Variants in PDCD1LG2 observed in about 807,000 individuals in gnomAD.
PDCD1LG2 encodes programmed cell death 1 ligand 2, also known as B7 dendritic cell molecule.
In PDCD1LG2, 32 loss-of-function variants were observed where a neutral mutation model predicts 28.2. That is an observed-to-expected ratio of 1.13 (90% CI 0.86 to 1.52). The LOEUF is 1.52. Ranked by LOEUF, PDCD1LG2 falls within the 40% of genes most tolerant of loss-of-function variation. The pLI is 0.00. For missense variants in PDCD1LG2, 385 were observed against 323.8 expected, an observed-to-expected ratio of 1.19 and a Z score of -1.45; for synonymous variants, 116 against 120.2, an observed-to-expected ratio of 0.97 and a Z score of 0.23.
chr9:5,519,944 C>T (rs58990901), intron 1 of PDCD1LG2, among the ~76,000 whole-genome samples: 11,650 of 152,118 alleles, frequency 0.077, 496 homozygotes, highest in East Asian at 0.14. Flanking sequence ...AAGGCCTAAA[C>T]AAAGGAAAGA....
At chr9:5,556,362 G>C (rs1316687307) in intron 4 of PDCD1LG2, among the ~76,000 whole-genome samples, 3 of 151,870 alleles carry the variant, frequency 2.0e-5, no homozygotes, top group Non-Finnish European at 4.4e-5. Context: ...ATGTTTGGAT[G>C]AGCAAGGCTC....
rs547682295 is a variant in PDCD1LG2 at position 5,570,164 on chromosome 9, T to C, written c.*205T>C. On this transcript the variant is annotated 3_prime_UTR_variant, in exon 7 of 7. Coordinates refer to ENST00000397747, the MANE Select transcript of PDCD1LG2 (RefSeq NM_025239.4). ...GCCCCTTCACTGATCTGGACTCACC[T>C]CTGGAGCCTATGGCTTTAAGCAAGC... 1.2e-3 allele frequency: 738 copies of C among 630,694 alleles called. 4 individuals carry two copies. Among genetic ancestry groups the C allele is most frequent in the Non-Finnish European group, 1.5e-3 (534 of 351,778 alleles). 39.1% of individuals were successfully genotyped at this position (630,694 alleles called of 1,614,324 possible).
At chr9:5,547,519 CTTATTT>C (rs1816235893) in intron 3 of PDCD1LG2, among the ~76,000 whole-genome samples, 1 of 152,008 alleles carries the variant, frequency 6.6e-6, no homozygotes. Context: ...GCCTATTTTA[CTTATTT>C]TTAAAGTTTT....
intron 4 of PDCD1LG2, among the ~76,000 whole-genome samples, chr9:5,556,935 C>G (rs568028991): frequency 6.6e-6 from 1 of 152,324 alleles, no homozygotes; most frequent in East Asian, 1.9e-4. Context: ...CTCTACTAAA[C>G]TCACCCTTTC....
intron 3 of PDCD1LG2, among the ~76,000 whole-genome samples, chr9:5,545,355 CAAAGAGGCACAATTT>C (rs1320437004): frequency 6.6e-6 from 1 of 152,210 alleles, no homozygotes; most frequent in Non-Finnish European, 1.5e-5. Flanking sequence ...GTAGAAGCTA[CAAAGAGGCACAATTT>C]TGCTTGGCAT....
intron 4 of PDCD1LG2, among the ~76,000 whole-genome samples, chr9:5,553,660 C>G (rs1390124997): frequency 6.6e-6 from 1 of 152,174 alleles, no homozygotes; most frequent in East Asian, 1.9e-4. Flanking sequence ...AATGGCCACT[C>G]CACTCTCTTC....
At chr9:5,512,436 C>G (rs939463551) in intron 1 of PDCD1LG2, among the ~76,000 whole-genome samples, 9 of 152,182 alleles carry the variant, frequency 5.9e-5, no homozygotes, top group African/African-American at 2.2e-4. Flanking sequence ...TGAACTGCCC[C>G]TGCTTTGAGG....
intron 2 of PDCD1LG2, among the ~76,000 whole-genome samples, chr9:5,531,758 T>C (rs568832853): frequency 2.0e-5 from 3 of 152,356 alleles, no homozygotes; most frequent in Admixed American, 6.5e-5. Flanking sequence ...TATTTAATTC[T>C]TGTTGTTATG....
chr9:5,553,627 G>C (rs1399831380), intron 4 of PDCD1LG2, among the ~76,000 whole-genome samples: 2 of 152,180 alleles, frequency 1.3e-5, no homozygotes, highest in East Asian at 3.8e-4. Context: ...CCTTTACGCT[G>C]TGAGAAGTTA....
At chr9:5,551,203 T>C (rs1816324975) in intron 4 of PDCD1LG2, among the ~76,000 whole-genome samples, 1 of 152,208 alleles carries the variant, frequency 6.6e-6, no homozygotes, top group African/African-American at 2.4e-5. Flanking sequence ...ATTTTATTTA[T>C]CCTACTGAGA....
rs900125906 is a variant in PDCD1LG2 at position 5,569,112 on chromosome 9, T to A, written c.817-842T>A. 1.3e-5 allele frequency among the ~76,000 whole-genome samples: 2 copies of A among 152,222 alleles called. No individual in the cohort carries two copies. The highest frequency in any genetic ancestry group is 4.8e-5 in the African/African-American group (2 of 41,450). ...GGGGGAAAGACTGTTAGGGCATGTA[T>A]TGTAAACCACTAATTCCAGGCAAAA... is the stretch of plus-strand genomic sequence containing the variant. On this transcript the variant is annotated intron_variant, in intron 6 of 6. Transcript: ENST00000397747. This position sits in a 1 kb window ranked among gnomAD's most constrained non-coding sequence, Gnocchi z 4.1.
At chr9:5,552,505 G>C (rs1379751421) in intron 4 of PDCD1LG2, among the ~76,000 whole-genome samples, 1 of 152,122 alleles carries the variant, frequency 6.6e-6, no homozygotes, top group African/African-American at 2.4e-5. Flanking sequence ...GGATAGCCCT[G>C]GTACAGACGT....
At chr9:5,559,544 T>G (rs1816517257) in intron 5 of PDCD1LG2, among the ~76,000 whole-genome samples, 1 of 152,200 alleles carries the variant, frequency 6.6e-6, no homozygotes, top group South Asian at 2.1e-4. Flanking sequence ...GCCTATCTTC[T>G]TTGAGATGGT....
At position 5,540,697 on chromosome 9, in the gene PDCD1LG2, G is replaced by C. The variant is rs116093535; in HGVS notation, c.361+5647G>C. 4.9e-3 allele frequency among the ~76,000 whole-genome samples: 751 copies of C among 152,140 alleles called. 8 individuals carry two copies. Among genetic ancestry groups the C allele is most frequent in the African/African-American group, 0.016 (685 of 41,520 alleles). On this transcript the variant is annotated intron_variant, in intron 3 of 6. Transcript: ENST00000397747. ...GGAACTATAAACAGATCAATAACAA[G>C]CAGCAAGATTGAATGGTAACTTTTA...
rs192888773 is a variant in PDCD1LG2 at position 5,538,318 on chromosome 9, T to C, written c.361+3268T>C. 4.0e-4 allele frequency among the ~76,000 whole-genome samples: 61 copies of C among 152,276 alleles called. 2 individuals are homozygous for C. Among genetic ancestry groups the C allele is most frequent in the Admixed American group, 3.4e-3 (52 of 15,300 alleles). On this transcript the variant is annotated intron_variant, in intron 3 of 6. Coordinates refer to ENST00000397747, the MANE Select transcript of PDCD1LG2 (RefSeq NM_025239.4). ...TGTTTGTAAGAGCTTATTTAAAATATGTAATATTGTTTTAGATGCATATAT... is the reference window on the plus strand; with the variant it reads ...TGTTTGTAAGAGCTTATTTAAAATACGTAATATTGTTTTAGATGCATATAT...
At chr9:5,553,360 C>T (rs1433954805) in intron 4 of PDCD1LG2, among the ~76,000 whole-genome samples, 1 of 152,156 alleles carries the variant, frequency 6.6e-6, no homozygotes, top group Non-Finnish European at 1.5e-5. Context: ...TGAGCAATCC[C>T]ACGAGAACTT....
At chr9:5,552,756 T>C (rs764069769) in intron 4 of PDCD1LG2, among the ~76,000 whole-genome samples, 2 of 152,200 alleles carry the variant, frequency 1.3e-5, no homozygotes, top group African/African-American at 2.4e-5. Context: ...TATTTTCTTC[T>C]GGAAAAAATT....
chr9:5,533,036 T>C (rs997842768), intron 2 of PDCD1LG2, among the ~76,000 whole-genome samples: 2 of 152,242 alleles, frequency 1.3e-5, no homozygotes, highest in South Asian at 2.1e-4. Flanking sequence ...CTATATCCTA[T>C]GCTCTTCCGT....
At chr9:5,528,209 C>T (rs1820415022) in intron 2 of PDCD1LG2, among the ~76,000 whole-genome samples, 1 of 147,902 alleles carries the variant, frequency 6.8e-6, no homozygotes, top group Non-Finnish European at 1.5e-5. Flanking sequence ...ATTAAGTATA[C>T]ATATATTTAT....
Sources: gnomAD v4.1 joint callset for allele counts (sites outside exome capture counted in the v4.1 genomes callset) on GRCh38, gnomAD v4.1.1 for gene constraint, Gnocchi (gnomAD v3.1) non-coding constraint, MANE v1.5 for transcripts, NCBI Gene and HGNC (gene_info 2026-07-23, HGNC 2026-07-21) for gene names.